Variants in OR4K1 observed in about 807,000 individuals in gnomAD.
OR4K1 encodes the protein olfactory receptor 4K1.
Under a neutral mutation model 14.4 loss-of-function variants are expected in OR4K1, and 16 were observed. The ratio of observed to expected loss-of-function variants is 1.11; its 90% confidence interval spans 0.75 to 1.68. The LOEUF is 1.68. Among genes scored for constraint, OR4K1 ranks in the 40% most tolerant of loss-of-function variants. The probability of loss-of-function intolerance (pLI) is 0.00; values close to 1 mark genes in which losing one functional copy is unlikely to be tolerated. For synonymous variants in OR4K1, 181 were observed against 133.1 expected, an observed-to-expected ratio of 1.36 and a Z score of -2.48; for missense variants, 548 against 376.9, an observed-to-expected ratio of 1.45 and a Z score of -3.76.
the OR4K1 span, among the ~76,000 whole-genome samples, chr14:19,922,804 G>A: frequency 1.3e-5 from 2 of 152,232 alleles, no homozygotes; most frequent in East Asian, 3.9e-4. Context: ...TCTTAACCCT[G>A]GCAACCAATG....
intron 1 of OR4K1, 50 bp from the exon 2 acceptor site, chr14:19,935,598 G>C (rs945531095): frequency 5.5e-6 from 7 of 1,265,446 alleles, no homozygotes; most frequent in Non-Finnish European, 7.7e-6. Flanking sequence ...ATAAACTAGA[G>C]GTATTGTAAT....
At chr14:19,934,776 T>G (rs1490947343) in intron 1 of OR4K1, among the ~76,000 whole-genome samples, 1 of 152,190 alleles carries the variant, frequency 6.6e-6, no homozygotes, top group South Asian at 2.1e-4. Context: ...GTTCAAGCAA[T>G]TCTCCTGCCT....
At chr14:19,928,493 C>T (rs991626924), upstream of OR4K1, among the ~76,000 whole-genome samples, 2 of 152,106 alleles carry the variant, frequency 1.3e-5, no homozygotes, top group South Asian at 2.1e-4. Flanking sequence ...GCCACCTTTG[C>T]CAATTTAACT....
chr14:19,924,797 C>T, the OR4K1 span, among the ~76,000 whole-genome samples: 21 of 152,250 alleles, frequency 1.4e-4, no homozygotes, highest in Admixed American at 1.2e-3. Context: ...ACTCTAGTTC[C>T]AATAAAAACA....
chr14:19,926,951 C>G (rs1338296713), upstream of OR4K1, among the ~76,000 whole-genome samples: 1 of 152,222 alleles, frequency 6.6e-6, no homozygotes, highest in Non-Finnish European at 1.5e-5. Flanking sequence ...GGACTAAGTA[C>G]CTGACCATTG....
Position 19,935,812 on chromosome 14 carries a change from T to C in OR4K1, c.146T>C (p.Ile49Thr), listed in dbSNP as rs756567174. 1 of 1,614,242 alleles carries C rather than the reference T, an allele frequency of 6.2e-7. No individual in the cohort carries two copies. Among genetic ancestry groups the C allele is most frequent in the Admixed American group, 1.7e-5 (1 of 60,028 alleles). ...VLGNVLIIVI[I>T]SFDSHLNSPM... ...GGCAATGTCTTAATTATTGTCATTA[T>C]TTCTTTTGACTCCCATTTGAACTCT... The change falls in exon 2 of 2, where the codon ATT becomes ACT. Residue 49 changes from isoleucine to threonine, a missense_variant. Ile to Thr is a moderately conservative substitution (Grantham distance 89). Coordinates refer to ENST00000641172, the MANE Select transcript of OR4K1 (RefSeq NM_001004063.3).
the OR4K1 span, among the ~76,000 whole-genome samples, chr14:19,922,361 T>C: frequency 6.6e-6 from 1 of 152,240 alleles, no homozygotes; most frequent in African/African-American, 2.4e-5. Context: ...CCAGTGGTAC[T>C]CATCCTCCAG....
In OR4K1 at chr14:19,935,733, CTTCAACTT is replaced by C. The variant is rs759261386; in HGVS notation, c.71_78del (p.Gln24LeufsTer26). 41 of 1,613,724 alleles carry C rather than the reference CTTCAACTT, an allele frequency of 2.5e-5. No individual in the cohort carries two copies. Among genetic ancestry groups the C allele is most frequent in the Non-Finnish European group, 3.2e-5 (38 of 1,179,910 alleles). On this transcript the variant is annotated frameshift_variant, in exon 2 of 2. Coordinates refer to ENST00000641172, the MANE Select transcript of OR4K1 (RefSeq NM_001004063.3). LOFTEE classifies it high-confidence loss of function. ...TTTGGGACTCTCTAATTCCTGGGGACTTCAACTTTTCTTTTTTGCCATCTTCTCTATAG... is the reference window on the plus strand; with the variant it reads ...TTTGGGACTCTCTAATTCCTGGGGACTTCTTTTTTGCCATCTTCTCTATAG...
chr14:19,936,098 T>G lies in OR4K1; in HGVS notation c.432T>G (p.Phe144Leu), dbSNP rs755098056. Residue 144 changes from phenylalanine to leucine, a missense_variant, in exon 2 of 2, where the codon TTT becomes TTG. Physicochemically the swap from Phe to Leu is conservative, Grantham distance 22. Coordinates refer to ENST00000641172, the MANE Select transcript of OR4K1 (RefSeq NM_001004063.3). ...TIMNRRLCVI[F>L]VSISWAVGVL... ...TGAACCGGAGGCTCTGTGTAATTTTTGTGTCTATTTCCTGGGCGGTGGGCG... is the reference window on the plus strand; with the variant it reads ...TGAACCGGAGGCTCTGTGTAATTTTGGTGTCTATTTCCTGGGCGGTGGGCG... 6.8e-6 allele frequency: 11 copies of G among 1,614,132 alleles called. No individual in the cohort carries two copies. Among genetic ancestry groups the G allele is most frequent in the African/African-American group, 4.0e-5 (3 of 74,944 alleles).
rs1374707903 is a variant in OR4K1, at chr14:19,936,704, T to C, written c.*102T>C. 11 of 1,112,172 alleles carry C rather than the reference T, an allele frequency of 9.9e-6. No individual in the cohort carries two copies. Among genetic ancestry groups the C allele is most frequent in the Non-Finnish European group, 8.6e-6 (7 of 810,708 alleles). 68.9% of individuals were successfully genotyped at this position (1,112,172 alleles called of 1,614,324 possible). A position where few individuals can be genotyped will look rare whatever the true frequency, so the allele number is the denominator to read the frequency against. ...TTGCCAGACATATGGGTTATTGAGT[T>C]ACAGAATTGGCTTTTTGTTTTAAGT... is the stretch of plus-strand genomic sequence containing the variant. On this transcript the variant is annotated 3_prime_UTR_variant, in exon 2 of 2. Transcript: ENST00000641172.
chr14:19,921,209 C>T, the OR4K1 span: 14 of 1,614,146 alleles, frequency 8.7e-6, no homozygotes, highest in Non-Finnish European at 1.2e-5. Flanking sequence ...TAATTGTGGT[C>T]AATAGTGGAA....
Position 19,934,691 on chromosome 14 carries a change from A to T in OR4K1, c.-19-957A>T, listed in dbSNP as rs201788910. Among the ~76,000 whole-genome samples, 13 of 150,280 alleles carry T rather than the reference A, an allele frequency of 8.7e-5. No individual in the cohort carries two copies. The East Asian group carries it at 2.0e-3, about 23-fold the overall frequency. ...TCTTTTAACATTTTTTTTTTTTGAGACAGAGTTTCACTCTTGTTGCCCAGG... is the reference window on the plus strand; with the variant it reads ...TCTTTTAACATTTTTTTTTTTTGAGTCAGAGTTTCACTCTTGTTGCCCAGG... On this transcript the variant is annotated intron_variant, in intron 1 of 1. Coordinates refer to ENST00000641172, the MANE Select transcript of OR4K1 (RefSeq NM_001004063.3).
Position 19,932,333 on chromosome 14 carries a change from T to TTCC in OR4K1, c.-20+1209_-20+1211dup, listed in dbSNP as rs113089255. Among the ~76,000 whole-genome samples the TTCC allele has an allele frequency of 4.5e-4, 68 of 151,614 alleles. No individual in the cohort carries two copies. In the East Asian group the frequency reaches 5.9e-3, roughly 13 times the overall value. On this transcript the variant is annotated intron_variant, in intron 1 of 1. Coordinates refer to ENST00000641172, the MANE Select transcript of OR4K1 (RefSeq NM_001004063.3). ...TTCTCCTTCTCCTTTTCCTTTTTTC[T>TTCC]TCCTCCTCCTCCTCCTCCTCCTCTT...
At position 19,936,177 on chromosome 14, in the gene OR4K1, C is replaced by T. The variant is rs779313242; in HGVS notation, c.511C>T (p.Pro171Ser). ...AFTVDLPFCG[P>S]NEVDSFFCDL... ...TACAGTGGACCTGCCATTCTGTGGTCCCAATGAGGTGGATAGCTTCTTTTG... is the reference window on the plus strand; with the variant it reads ...TACAGTGGACCTGCCATTCTGTGGTTCCAATGAGGTGGATAGCTTCTTTTG... The change falls in exon 2 of 2, where the codon CCC (proline) becomes TCC (serine). Residue 171 changes from proline (P) to serine (S), a missense_variant. Pro to Ser is a moderately conservative substitution (Grantham distance 74, BLOSUM62 -1). Transcript: ENST00000641172. The T allele has an allele frequency of 1.9e-6, 3 of 1,614,104 alleles. No individual in the cohort carries two copies. Among genetic ancestry groups the T allele is most frequent in the Non-Finnish European group, 2.5e-6 (3 of 1,180,044 alleles).
At chr14:19,926,801 AAT>A (rs1254382806), upstream of OR4K1, among the ~76,000 whole-genome samples, 1 of 152,270 alleles carries the variant, frequency 6.6e-6, no homozygotes. Flanking sequence ...ATCCATGATA[AAT>A]AAGGACATTG....
chr14:19,926,614 G>A (rs1216147809), upstream of OR4K1, among the ~76,000 whole-genome samples: 1 of 152,104 alleles, frequency 6.6e-6, no homozygotes, highest in African/African-American at 2.4e-5. Context: ...GTTCTCTCAA[G>A]ATCATTGAAT....
chr14:19,926,133 A>G (rs1272023216), upstream of OR4K1, among the ~76,000 whole-genome samples: 2 of 152,274 alleles, frequency 1.3e-5, no homozygotes, highest in Non-Finnish European at 2.9e-5. Flanking sequence ...TGTATTTGCA[A>G]TATCTTGAAA....
At chr14:19,923,280 G>C in the OR4K1 span, among the ~76,000 whole-genome samples, 1 of 152,174 alleles carries the variant, frequency 6.6e-6, no homozygotes, top group Non-Finnish European at 1.5e-5. Context: ...GTTTAGCCCT[G>C]CACCCATATT....
At chr14:19,920,617 C>A in the OR4K1 span, 2 of 1,605,830 alleles carry the variant, frequency 1.2e-6, no homozygotes, top group Admixed American at 1.7e-5. Flanking sequence ...ATGGATAAGT[C>A]CAATTCTTCA....
Sources: allele counts gnomAD v4.1 joint callset (sites outside exome capture counted in the v4.1 genomes callset), GRCh38; gene constraint gnomAD v4.1.1; transcripts MANE v1.5; gene names NCBI Gene and HGNC (gene_info 2026-07-23, HGNC 2026-07-21).